Variants in LRRC70 observed in about 807,000 individuals in gnomAD.
LRRC70 encodes the protein leucine rich repeat containing 70, also known as leucine-rich repeat-containing protein 70.
LRRC70 carries 31 observed loss-of-function variants against 42.4 expected under a neutral mutation model. The ratio of observed to expected loss-of-function variants is 0.73; its 90% CI spans 0.55 to 0.99. The LOEUF is 0.99. Among genes scored for constraint, LRRC70 ranks in the 50% least tolerant of loss-of-function variants. The probability of loss-of-function intolerance (pLI) is 0.00; values close to 1 mark genes in which losing one functional copy is unlikely to be tolerated. For synonymous variants in LRRC70, 270 were observed against 262.9 expected (o/e 1.03, Z -0.26); for missense variants, 643 against 707.5 (o/e 0.91, Z 1.03).
Position 62,580,156 on chromosome 5 carries a change from A to G in LRRC70, c.718A>G (p.Ile240Val), listed in dbSNP as rs1205484952. ...AAGACTTTCTTTGTCTCATAATCCT[A>G]TTGAAGCAATACAGCCCTTTGCATT... is the stretch of plus-strand genomic sequence containing the variant. ...LRRLSLSHNP[I>V]EAIQPFAFKG... Residue 240 changes from isoleucine to valine, a missense_variant, in exon 2 of 2, where the codon ATT becomes GTT. Coordinates refer to ENST00000334994, the MANE Select transcript of LRRC70 (RefSeq NM_181506.5). 28 of 1,551,070 alleles carry G rather than the reference A, an allele frequency of 1.8e-5. No individual in the cohort carries two copies. Among genetic ancestry groups the G allele is most frequent in the Middle Eastern group, 1.7e-4 (1 of 6,010 alleles).
In LRRC70 at chr5:62,581,344, A is replaced by G; in HGVS notation, c.*37A>G. The G allele has an allele frequency of 7.0e-7, 1 of 1,429,670 alleles. No homozygotes were observed. Among genetic ancestry groups the G allele is most frequent in the Non-Finnish European group, 9.2e-7 (1 of 1,086,070 alleles). The allele number at this position is 1,429,670 out of a possible 1,614,324, so 88.6% of individuals were successfully genotyped here. A position where few individuals can be genotyped will look rare whatever the true frequency, so the allele number is the denominator to read the frequency against. On this transcript the variant is annotated 3_prime_UTR_variant, in exon 2 of 2. Coordinates refer to ENST00000334994, the MANE Select transcript of LRRC70 (RefSeq NM_181506.5). The stretch of plus-strand genomic sequence containing the variant: ...ATTGTCTATAAGAAACTTCAGTGCC[A>G]TGGACATGATTTAAACTGAAACCTC...
Position 62,580,720 on chromosome 5 carries a change from A to C in LRRC70, c.1282A>C (p.Thr428Pro), listed in dbSNP as rs1421909287. 5 of 1,551,344 alleles carry C rather than the reference A, an allele frequency of 3.2e-6. No homozygotes were observed. The highest frequency in any genetic ancestry group is 4.4e-6 in the Non-Finnish European group (5 of 1,146,842). The change falls in exon 2 of 2, where the codon ACT (threonine) becomes CCT (proline). Residue 428 changes from threonine (T) to proline (P), a missense_variant. Physicochemically the swap from Thr to Pro is conservative, Grantham distance 38. Transcript: ENST00000334994. Reference protein sequence around the residue: ...VKSPHIHHKTTALMMAWHKVT... With the variant: ...VKSPHIHHKTPALMMAWHKVT... Reference sequence around the variant, plus strand: ...ATCTCCTCATATTCATCACAAGACTACTGCGCTAATGATGGCCTGGCATAA... The same window carrying C: ...ATCTCCTCATATTCATCACAAGACTCCTGCGCTAATGATGGCCTGGCATAA...
intron 1 of LRRC70, 93 bp downstream of exon 1, chr5:62,579,028 A>T (rs975778722): frequency 8.4e-6 from 2 of 237,806 alleles, no homozygotes; most frequent in South Asian, 9.7e-5. Context: ...TCTGTAGTGA[A>T]TTTGTATTTT....
chr5:62,579,930 A>C lies in LRRC70; in HGVS notation c.492A>C (p.Gln164His), dbSNP rs1022331605. Residue 164 changes from glutamine to histidine, a missense_variant, in exon 2 of 2, where the codon CAA (glutamine) becomes CAC (histidine). Transcript: ENST00000334994. The stretch of plus-strand genomic sequence containing the variant: ...TTTCAGTTCAGTACTTAAATCTACA[A>C]AGGAATCGCCTCACTGTCCTTGGGA... ...DLVSVQYLNL[Q>H]RNRLTVLGSG... The C allele has an allele frequency of 2.6e-6, 4 of 1,551,184 alleles. No individual in the cohort carries two copies. In the African/African-American group the frequency reaches 5.5e-5, roughly 21 times the overall value.
Position 62,581,294 on chromosome 5 carries a change from A to AT in LRRC70, c.1858dup (p.Ser620PhefsTer23). 1 of 1,515,072 alleles carries AT rather than the reference A, an allele frequency of 6.6e-7. No individual in the cohort carries two copies. The highest frequency in any genetic ancestry group is 8.8e-7 in the Non-Finnish European group (1 of 1,135,142). The allele number at this position is 1,515,072 out of a possible 1,614,324, so 93.9% of individuals were successfully genotyped here. A position where few individuals can be genotyped will look rare whatever the true frequency, so the allele number is the denominator to read the frequency against. On this transcript the variant is annotated frameshift_variant, in exon 2 of 2. Coordinates refer to ENST00000334994, the MANE Select transcript of LRRC70 (RefSeq NM_181506.5). LOFTEE classifies it high-confidence loss of function. ...GAGGCACAGGTCATTCTTTTTGAAC[A>AT]TTCTGCTTTATAACTCAACTAAATA... is the stretch of plus-strand genomic sequence containing the variant.
In LRRC70 at chr5:62,580,460, A is replaced by T; in HGVS notation, c.1022A>T (p.His341Leu). 3.2e-6 allele frequency: 5 copies of T among 1,551,450 alleles called. No homozygotes were observed. Among genetic ancestry groups the T allele is most frequent in the Non-Finnish European group, 4.4e-6 (5 of 1,146,826 alleles). Residue 341 changes from histidine to leucine, a missense_variant, in exon 2 of 2, where the codon CAT becomes CTT. Physicochemically the swap from His to Leu is moderately conservative, Grantham distance 99 (BLOSUM62 -3). Coordinates refer to ENST00000334994, the MANE Select transcript of LRRC70 (RefSeq NM_181506.5). ...NLSFNNLTAL[H>L]PRVLKPLSSL... The stretch of plus-strand genomic sequence containing the variant: ...TCATTTAATAATCTTACAGCCTTGC[A>T]TCCAAGGGTCCTTAAGCCGTTGTCT...
rs903690690 is a variant in LRRC70 at position 62,580,062 on chromosome 5, T to C, written c.624T>C (p.Cys208=). Residue 208 remains cysteine, a synonymous_variant, in exon 2 of 2, where the codon TGT becomes TGC. Transcript: ENST00000334994. ...SGFQHLENLA[C]LYLGSNNLTK... The stretch of plus-strand genomic sequence containing the variant: ...TTCAACATCTTGAAAACCTTGCTTG[T>C]TTGTATTTAGGAAGTAATAATTTAA... 6.4e-7 allele frequency: 1 copy of C among 1,551,058 alleles called. No homozygotes were observed. The highest frequency in any genetic ancestry group is 1.4e-5 in the African/African-American group (1 of 73,020).
At chr5:62,578,998 G>A in intron 1 of LRRC70, 63 bp downstream of exon 1, 1 of 236,220 alleles carries the variant, frequency 4.2e-6, no homozygotes, top group South Asian at 4.8e-5. Flanking sequence ...GTGAAAAACT[G>A]TAATTTAGAA....
At position 62,581,176 on chromosome 5, in the gene LRRC70, G is replaced by GT. The variant is rs1163158819; in HGVS notation, c.1739dup (p.Thr581AsnfsTer6). ...CTTTTATCAGTCAGCAAGGTATAAT[G>GT]TAACTGCCTCAATTTGTAACACTTC... On this transcript the variant is annotated frameshift_variant, in exon 2 of 2. Transcript: ENST00000334994. LOFTEE classifies it high-confidence loss of function. 2 of 1,551,168 alleles carry GT rather than the reference G, an allele frequency of 1.3e-6. No homozygotes were observed. Among genetic ancestry groups the GT allele is most frequent in the Non-Finnish European group, 1.7e-6 (2 of 1,146,760 alleles).
At position 62,580,734 on chromosome 5, in the gene LRRC70, G is replaced by A. The variant is rs1354820590; in HGVS notation, c.1296G>A (p.Met432Ile). 3 of 1,551,378 alleles carry A rather than the reference G, an allele frequency of 1.9e-6. No homozygotes were observed. In the Admixed American group the frequency reaches 5.9e-5, roughly 30 times the overall value. The change falls in exon 2 of 2, where the codon ATG becomes ATA. Residue 432 changes from methionine to isoleucine, a missense_variant. Met to Ile is a conservative substitution (Grantham distance 10). Coordinates refer to ENST00000334994, the MANE Select transcript of LRRC70 (RefSeq NM_181506.5). ...HIHHKTTALM[M>I]AWHKVTTNGS... is the part of the protein sequence containing the mutation. ...ATCACAAGACTACTGCGCTAATGAT[G>A]GCCTGGCATAAAGTAACCACAAATG...
rs755784513 is a variant in LRRC70 at position 62,579,692 on chromosome 5, C to T, written c.254C>T (p.Ser85Phe). 74 of 1,547,904 alleles carry T rather than the reference C, an allele frequency of 4.8e-5. 2 individuals are homozygous for T. The highest frequency in any genetic ancestry group is 4.0e-4 in the South Asian group (33 of 83,464). ...GAAAGTGAATTAACAGGACTTCATT[C>T]TCTTGTAGCATTGTATTTGGATAAT... Reference protein sequence around the residue: ...INESELTGLHSLVALYLDNSN... With the variant: ...INESELTGLHFLVALYLDNSN... Residue 85 changes from serine (S) to phenylalanine (F), a missense_variant, in exon 2 of 2, where the codon TCT becomes TTT. By Grantham distance (155) the Ser-to-Phe change is radical. Transcript: ENST00000334994.
At position 62,581,104 on chromosome 5, in the gene LRRC70, C is replaced by A. The variant is rs1281926527; in HGVS notation, c.1666C>A (p.Leu556Ile). ...CAAAGTTGTTCAGTTTAAACAAAAA[C>A]TAAAGGCATCAGAAAACTCAAGGGA... is the stretch of plus-strand genomic sequence containing the variant. ...IYKVVQFKQK[L>I]KASENSRENR... Residue 556 changes from leucine to isoleucine, a missense_variant, in exon 2 of 2, where the codon CTA becomes ATA. Coordinates refer to ENST00000334994, the MANE Select transcript of LRRC70 (RefSeq NM_181506.5). 3 of 1,549,210 alleles carry A rather than the reference C, an allele frequency of 1.9e-6. No individual in the cohort carries two copies. The highest frequency in any genetic ancestry group is 4.0e-5 in the Admixed American group (2 of 50,462).
In LRRC70 at chr5:62,579,549, G is replaced by A. The variant is rs577998091; in HGVS notation, c.111G>A (p.Gln37=). The A allele has an allele frequency of 6.4e-7, 1 of 1,551,080 alleles. No individual in the cohort carries two copies. Residue 37 remains glutamine, a synonymous_variant, in exon 2 of 2, where the codon CAG becomes CAA. Transcript: ENST00000334994. ...KEILGCSSVC[Q]LCTGRQINCR... The stretch of plus-strand genomic sequence containing the variant: ...TACTTGGATGTTCGTCTGTTTGTCA[G>A]CTCTGCACTGGGAGACAAATTAACT...
Position 62,580,607 on chromosome 5 carries a change from C to A in LRRC70, c.1169C>A (p.Ser390Tyr). 6.4e-7 allele frequency: 1 copy of A among 1,551,468 alleles called. No individual in the cohort carries two copies. The highest frequency in any genetic ancestry group is 8.7e-7 in the Non-Finnish European group (1 of 1,146,828). Residue 390 changes from serine to tyrosine, a missense_variant, in exon 2 of 2, where the codon TCC becomes TAC. Physicochemically the swap from Ser to Tyr is moderately radical, Grantham distance 144. Coordinates refer to ENST00000334994, the MANE Select transcript of LRRC70 (RefSeq NM_181506.5). ...TLNIYCQNPP[S>Y]MRGRALRYIN... ...AACATCTATTGTCAGAATCCCCCAT[C>A]CATGCGTGGCAGAGCATTACGTTAT... is the stretch of plus-strand genomic sequence containing the variant.
chr5:62,580,623 A>T lies in LRRC70; in HGVS notation c.1185A>T (p.Ala395=). The T allele has an allele frequency of 6.4e-7, 1 of 1,551,502 alleles. No homozygotes were observed. Among genetic ancestry groups the T allele is most frequent in the Non-Finnish European group, 8.7e-7 (1 of 1,146,832 alleles). Residue 395 remains alanine (A), a synonymous_variant, in exon 2 of 2, where the codon GCA becomes GCT. Transcript: ENST00000334994. The part of the protein sequence containing the change: ...CQNPPSMRGR[A]LRYINITNCV... Reference sequence around the variant, plus strand: ...ATCCCCCATCCATGCGTGGCAGAGCATTACGTTATATTAACATTACAAATT... The same window carrying T: ...ATCCCCCATCCATGCGTGGCAGAGCTTTACGTTATATTAACATTACAAATT...
Position 62,580,758 on chromosome 5 carries a change from T to C in LRRC70, c.1320T>C (p.Asn440=). 6.4e-7 allele frequency: 1 copy of C among 1,551,482 alleles called. No individual in the cohort carries two copies. The highest frequency in any genetic ancestry group is 1.2e-5 in the South Asian group (1 of 84,062). Reference sequence around the variant, plus strand: ...TGGCCTGGCATAAAGTAACCACAAATGGCAGTCCTCTGGAAAATACTGAGA... The same window carrying C: ...TGGCCTGGCATAAAGTAACCACAAACGGCAGTCCTCTGGAAAATACTGAGA... ...LMMAWHKVTT[N]GSPLENTETE... is the part of the protein sequence containing the mutation. Residue 440 remains asparagine (N), a synonymous_variant, in exon 2 of 2, where the codon AAT becomes AAC. Transcript: ENST00000334994.
chr5:62,580,134 A>G lies in LRRC70; in HGVS notation c.696A>G (p.Arg232=). 6.4e-7 allele frequency: 1 copy of G among 1,551,100 alleles called. No individual in the cohort carries two copies. Among genetic ancestry groups the G allele is most frequent in the Non-Finnish European group, 8.7e-7 (1 of 1,146,574 alleles). Reference sequence around the variant, plus strand: ...TTGAAGTACTTAAAAGTCTTAGAAGACTTTCTTTGTCTCATAATCCTATTG... The same window carrying G: ...TTGAAGTACTTAAAAGTCTTAGAAGGCTTTCTTTGTCTCATAATCCTATTG... The part of the protein sequence containing the change: ...NAFEVLKSLR[R]LSLSHNPIEA... The change falls in exon 2 of 2, where the codon AGA becomes AGG. Residue 232 remains arginine, a synonymous_variant. Coordinates refer to ENST00000334994, the MANE Select transcript of LRRC70 (RefSeq NM_181506.5).
Position 62,581,338 on chromosome 5 carries a change from A to G in LRRC70, c.*31A>G. On this transcript the variant is annotated 3_prime_UTR_variant, in exon 2 of 2. Coordinates refer to ENST00000334994, the MANE Select transcript of LRRC70 (RefSeq NM_181506.5). ...CTAAATATTGTCTATAAGAAACTTCAGTGCCATGGACATGATTTAAACTGA... is the reference window on the plus strand; with the variant it reads ...CTAAATATTGTCTATAAGAAACTTCGGTGCCATGGACATGATTTAAACTGA... The G allele has an allele frequency of 6.9e-7, 1 of 1,446,446 alleles. No homozygotes were observed. Among genetic ancestry groups the G allele is most frequent in the East Asian group, 2.5e-5 (1 of 39,610 alleles). 89.6% of individuals were successfully genotyped at this position (1,446,446 alleles called of 1,614,324 possible). A position where few individuals can be genotyped will look rare whatever the true frequency, so the allele number is the denominator to read the frequency against.
Position 62,579,473 on chromosome 5 carries a change from G to T in LRRC70, c.35G>T (p.Arg12Leu). ...CGLQFSLPCL[R>L]LFLVVTCYLL... ...TTACAGTTTTCTCTGCCTTGCCTAC[G>T]ACTGTTTCTGGTTGTTACCTGTTAT... The change falls in exon 2 of 2, where the codon CGA becomes CTA. Residue 12 changes from arginine to leucine, a missense_variant. Coordinates refer to ENST00000334994, the MANE Select transcript of LRRC70 (RefSeq NM_181506.5). 6.4e-7 allele frequency: 1 copy of T among 1,550,758 alleles called. No individual in the cohort carries two copies. The highest frequency in any genetic ancestry group is 1.4e-5 in the African/African-American group (1 of 73,100).
Sources: gnomAD v4.1 joint callset for allele counts on GRCh38, gnomAD v4.1.1 for gene constraint, MANE v1.5 for transcripts, NCBI Gene and HGNC (gene_info 2026-07-23, HGNC 2026-07-21) for gene names.